Variants in LYST observed in about 807,000 individuals in gnomAD.
LYST encodes the protein lysosomal-trafficking regulator.
A neutral mutation model predicts 413.6 loss-of-function variants in LYST; 192 were observed. The ratio of observed to expected loss-of-function variants is 0.46; its 90% CI spans 0.41 to 0.52. The LOEUF is 0.52. LYST is among the 20% of genes least tolerant of loss of function. The probability of loss-of-function intolerance (pLI) is 0.00; values close to 1 mark genes in which losing one functional copy is unlikely to be tolerated. For synonymous variants in LYST, 1,525 were observed against 1,567.3 expected (o/e 0.97, Z 0.64); for missense variants, 3,815 against 4,499.9 (o/e 0.85, Z 4.35).
rs145695494 is a variant in LYST, at chr1:235,685,225, T to A, written c.10800+1724A>T. Among the ~76,000 whole-genome samples, 1,134 of 152,246 alleles carry A rather than the reference T, an allele frequency of 7.4e-3. 17 individuals carry two copies. The highest frequency in any genetic ancestry group is 0.026 in the African/African-American group (1,063 of 41,534). ...ATGTCTGGATGTCCTTCTTCTGTGG[T>A]CCTCTATCCTGGGTGTGGGCCTGTC... On this transcript the variant is annotated intron_variant, in intron 48 of 52. Coordinates refer to ENST00000389793, the MANE Select transcript of LYST (RefSeq NM_000081.4).
Position 235,693,342 on chromosome 1 carries a change from G to C in LYST, c.10701+8C>G, listed in dbSNP as rs760919824. ...AAATAAATAAATAAAATAAAATAAA[G>C]TGTTTACCTGGTACTGTTGTGAACT... is the stretch of plus-strand genomic sequence containing the variant. On this transcript the variant is annotated splice_region_variant and intron_variant, in intron 47 of 52. Coordinates refer to ENST00000389793, the MANE Select transcript of LYST (RefSeq NM_000081.4). The C allele has an allele frequency of 4.4e-6, 7 of 1,582,516 alleles. No homozygotes were observed. The highest frequency in any genetic ancestry group is 6.1e-6 in the Non-Finnish European group (7 of 1,151,952).
chr1:235,668,135 T>C (rs1397107616), intron 50 of LYST, among the ~76,000 whole-genome samples: 1 of 152,178 alleles, frequency 6.6e-6, no homozygotes, highest in Non-Finnish European at 1.5e-5. Context: ...CAATCTGAGG[T>C]TGGTTGAATC....
rs754860951 is a variant in LYST at position 235,806,200 on chromosome 1, T to C, written c.2936A>G (p.Lys979Arg). The change falls in exon 6 of 53, where the codon AAA (lysine) becomes AGA (arginine). Residue 979 changes from lysine to arginine, a missense_variant. Lys to Arg is a conservative substitution (Grantham distance 26, BLOSUM62 2). Transcript: ENST00000389793. ...WIYMLSSVFQ[K>R]QFYRLGGFRV... ...GAAACCACCAAGCCTATAAAACTGT[T>C]TCTGGAACACTGAACTCAACATGTA... The C allele has an allele frequency of 2.5e-6, 4 of 1,613,818 alleles. No individual in the cohort carries two copies. In the Admixed American group the frequency reaches 6.7e-5, roughly 27 times the overall value.
chr1:235,798,718 A>C (rs1671866969), intron 10 of LYST, among the ~76,000 whole-genome samples: 1 of 152,112 alleles, frequency 6.6e-6, no homozygotes, highest in Non-Finnish European at 1.5e-5. Flanking sequence ...GGTTGAAAGC[A>C]TCATGCTATG....
At chr1:235,761,981 G>A (rs979414124) in intron 22 of LYST, among the ~76,000 whole-genome samples, 11 of 122,568 alleles carry the variant, frequency 9.0e-5, no homozygotes, top group Middle Eastern at 0.011. Flanking sequence ...TGTCGGGTGG[G>A]GGGAGGGGGG....
chr1:235,741,723 G>T (rs1014098249), intron 30 of LYST, 95 bp from the exon 31 acceptor site: 1 of 899,520 alleles, frequency 1.1e-6, no homozygotes, highest in Non-Finnish European at 1.8e-6. Context: ...TATGGAACAC[G>T]TTTTATTCCA....
intron 45 of LYST, among the ~76,000 whole-genome samples, chr1:235,697,661 A>G (rs192602611): frequency 1.8e-4 from 28 of 152,358 alleles, no homozygotes; most frequent in Admixed American, 1.4e-3. Context: ...ATAGAAATCA[A>G]GACCACATGT....
At chr1:235,724,332 C>T (rs1159762886) in intron 38 of LYST, 152 bp from the exon 39 acceptor site, 3 of 648,980 alleles carry the variant, frequency 4.6e-6, no homozygotes, top group South Asian at 1.9e-5. Flanking sequence ...CAATGCAAAA[C>T]ACCTCAAAAT....
At chr1:235,720,281 A>T (rs1663246857) in intron 40 of LYST, among the ~76,000 whole-genome samples, 1 of 152,016 alleles carries the variant, frequency 6.6e-6, no homozygotes. Context: ...AACTATAAAA[A>T]GCTATCTTTG....
At position 235,755,639 on chromosome 1, in the gene LYST, A is replaced by T. The variant is rs1180523231; in HGVS notation, c.7068T>A (p.Asp2356Glu). 1 of 1,600,230 alleles carries T rather than the reference A, an allele frequency of 6.2e-7. No homozygotes were observed. Among genetic ancestry groups the T allele is most frequent in the South Asian group, 1.1e-5 (1 of 90,752 alleles). ...AIQQGVIKLL[D>E]AYFARASKEQ... Reference sequence around the variant, plus strand: ...CCTTAGATGCTCTAGCAAAATATGCATCTAATAGCTAAACAAAAAATTTAA... The same window carrying T: ...CCTTAGATGCTCTAGCAAAATATGCTTCTAATAGCTAAACAAAAAATTTAA... Residue 2356 changes from aspartate to glutamate, a missense_variant, in exon 25 of 53, where the codon GAT becomes GAA. Asp to Glu is a conservative substitution (Grantham distance 45). This residue lies in a region of LYST where 771 missense variants were observed against 837.1 expected (regional missense o/e 0.92). Transcript: ENST00000389793.
At chr1:235,778,865 CT>C (rs1055238735) in intron 16 of LYST, among the ~76,000 whole-genome samples, 4 of 151,166 alleles carry the variant, frequency 2.6e-5, no homozygotes, top group Non-Finnish European at 5.9e-5. Flanking sequence ...CATTTCTTGT[CT>C]TTTTTCTTTT....
intron 50 of LYST, among the ~76,000 whole-genome samples, chr1:235,671,358 T>C (rs1658927747): frequency 6.6e-6 from 1 of 152,252 alleles, no homozygotes; most frequent in African/African-American, 2.4e-5. Context: ...GCATTGAATT[T>C]TGTCAAATGC....
Position 235,809,992 on chromosome 1 carries a change from T to G in LYST, c.826A>C (p.Asn276His), listed in dbSNP as rs747608805. ...EKVCKFDVTL[N>H]HNSPLAASVV... is the part of the protein sequence containing the mutation. ...CTGGCTGCTAAAGGAGAATTATGAT[T>G]CAAGGTAACGTCAAACTTACAAACT... is the stretch of plus-strand genomic sequence containing the variant. Residue 276 changes from asparagine (N) to histidine (H), a missense_variant, in exon 5 of 53, where the codon AAT (asparagine) becomes CAT (histidine). Physicochemically the swap from Asn to His is moderately conservative, Grantham distance 68. This residue lies in a region of LYST where 1,648 missense variants were observed against 1,810.3 expected (regional missense o/e 0.91). Coordinates refer to ENST00000389793, the MANE Select transcript of LYST (RefSeq NM_000081.4). The surrounding 1 kb of genome is among the most constrained non-coding windows in gnomAD (Gnocchi z 4.0). 10 of 1,613,746 alleles carry G rather than the reference T, an allele frequency of 6.2e-6. No homozygotes were observed. Among genetic ancestry groups the G allele is most frequent in the African/African-American group, 1.3e-5 (1 of 74,928 alleles).
intron 1 of LYST, among the ~76,000 whole-genome samples, chr1:235,859,486 C>T (rs1679612948): frequency 6.9e-6 from 1 of 143,940 alleles, no homozygotes; most frequent in Admixed American, 6.8e-5. Context: ...TTAGGCTTCT[C>T]TCCTGAGCAC....
intron 20 of LYST, among the ~76,000 whole-genome samples, chr1:235,767,859 T>G (rs1265119634): frequency 6.6e-6 from 1 of 152,100 alleles, no homozygotes; most frequent in Admixed American, 6.5e-5. Context: ...CTGCCTACAT[T>G]TTCTCTGAAC....
At chr1:235,829,558 G>T (rs1675722060) in intron 3 of LYST, 1 of 152,100 alleles carries the variant, frequency 6.6e-6, no homozygotes, top group Non-Finnish European at 1.5e-5. Flanking sequence ...CTACTAAAAT[G>T]AAATAAAGAT....
chr1:235,711,995 G>T, intron 43 of LYST, 62 bp downstream of exon 43: 4 of 1,365,220 alleles, frequency 2.9e-6, no homozygotes, highest in Admixed American at 2.8e-5. Flanking sequence ...TTCATTTTTG[G>T]AAAATTACAA....
At chr1:235,864,435 T>C (rs1558361539) in intron 1 of LYST, among the ~76,000 whole-genome samples, 1 of 152,142 alleles carries the variant, frequency 6.6e-6, no homozygotes, top group Non-Finnish European at 1.5e-5. Context: ...TTTTGGTGTC[T>C]TTTACATCTC....
intron 29 of LYST, among the ~76,000 whole-genome samples, chr1:235,744,947 AT>A (rs777513552): frequency 1.4e-4 from 22 of 151,918 alleles, no homozygotes; most frequent in African/African-American, 5.3e-4. Context: ...AGCTAAAAAA[AT>A]AATAATAACT....
Sources: allele counts gnomAD v4.1 joint callset (sites outside exome capture counted in the v4.1 genomes callset), GRCh38; gene constraint gnomAD v4.1.1; regional missense constraint gnomAD v4.1.1; non-coding constraint Gnocchi (gnomAD v3.1); transcripts MANE v1.5; gene names NCBI Gene and HGNC (gene_info 2026-07-23, HGNC 2026-07-21).